The following CAST variants were observed in gnomAD, a reference collection of about 807,000 sequenced individuals.
The protein encoded by CAST is MIR583 host.
In CAST, 76 loss-of-function variants were observed where a neutral mutation model predicts 119.6. The ratio of observed to expected loss-of-function variants is 0.64; its 90% CI spans 0.53 to 0.77. The LOEUF (loss-of-function observed/expected upper bound fraction) is 0.77. Among genes scored for constraint, CAST ranks in the 30% least tolerant of loss-of-function variants. The probability of loss-of-function intolerance (pLI) is 0.00; values close to 1 mark genes in which losing one functional copy is unlikely to be tolerated. For missense variants in CAST, 953 were observed against 946.5 expected (o/e 1.01, Z -0.09); for synonymous variants, 319 against 331.6 (o/e 0.96, Z 0.41).
chr5:96,222,230 C>G, the CAST span, among the ~76,000 whole-genome samples: 5 of 151,990 alleles, frequency 3.3e-5, no homozygotes, highest in African/African-American at 1.2e-4. Context: ...ACCTCAAAAG[C>G]ACAGCCAACT....
intron 4 of CAST, among the ~76,000 whole-genome samples, chr5:96,724,262 C>T (rs1758841785): frequency 6.6e-6 from 1 of 152,000 alleles, no homozygotes; most frequent in African/African-American, 2.4e-5. Context: ...CTTGCTGCCA[C>T]CTTGACCTCC....
At chr5:96,261,052 T>C in the CAST span, among the ~76,000 whole-genome samples, 2 of 152,156 alleles carry the variant, frequency 1.3e-5, no homozygotes, top group Non-Finnish European at 2.9e-5. Flanking sequence ...ATCTTCTCTC[T>C]TTTTTTGGTC....
At chr5:96,332,774 C>T in the CAST span, among the ~76,000 whole-genome samples, 1 of 152,134 alleles carries the variant, frequency 6.6e-6, no homozygotes, top group African/African-American at 2.4e-5. Context: ...AAGGACCTGC[C>T]GAGCTGTCCC....
chr5:96,134,198 G>A, the CAST span, among the ~76,000 whole-genome samples: 6 of 152,208 alleles, frequency 3.9e-5, no homozygotes, highest in East Asian at 1.2e-3. Context: ...TGAATTTTTT[G>A]TTTACAGAAC....
At chr5:96,677,108 T>C (rs1406518875) in intron 2 of CAST, among the ~76,000 whole-genome samples, 1 of 152,138 alleles carries the variant, frequency 6.6e-6, no homozygotes, top group East Asian at 1.9e-4. Flanking sequence ...ACCCTACCCT[T>C]TAAATATATT....
the CAST span, among the ~76,000 whole-genome samples, chr5:96,192,299 C>T: frequency 6.6e-6 from 1 of 152,172 alleles, no homozygotes; most frequent in East Asian, 1.9e-4. Flanking sequence ...TTCTGCTTTT[C>T]CTCTGTCTAT....
chr5:96,729,994 G>T (rs1016359956), intron 8 of CAST, among the ~76,000 whole-genome samples: 10 of 151,234 alleles, frequency 6.6e-5, no homozygotes, highest in Non-Finnish European at 1.5e-4. Flanking sequence ...AGCTGTGACT[G>T]CAGGGCAGCA....
chr5:96,410,688 G>T, the CAST span: 1 of 1,076,652 alleles, frequency 9.3e-7, no homozygotes, highest in Non-Finnish European at 1.4e-6. Context: ...CGAATCAGTC[G>T]TACCAAAGGT....
At chr5:96,472,231 G>C in the CAST span, among the ~76,000 whole-genome samples, 1 of 152,176 alleles carries the variant, frequency 6.6e-6, no homozygotes, top group Non-Finnish European at 1.5e-5. Context: ...ACACACAATT[G>C]TGGAACTGCC....
chr5:96,633,132 C>T (rs183888759), intron 1 of CAST, among the ~76,000 whole-genome samples: 22 of 151,962 alleles, frequency 1.4e-4, no homozygotes, highest in East Asian at 9.7e-4. Context: ...CCACCATGCC[C>T]GGCTAATTTT....
intron 2 of CAST, among the ~76,000 whole-genome samples, chr5:96,687,153 T>A (rs1221121324): frequency 6.6e-6 from 1 of 152,150 alleles, no homozygotes; most frequent in Non-Finnish European, 1.5e-5. Context: ...GATTCTTGCT[T>A]AAGGCCAGCG....
chr5:96,086,063 G>C, the CAST span, among the ~76,000 whole-genome samples: 1 of 152,030 alleles, frequency 6.6e-6, no homozygotes, highest in Admixed American at 6.6e-5. Flanking sequence ...ATTTATATAT[G>C]ACCTATGTAC....
chr5:96,698,755 G>A (rs1484774766), intron 3 of CAST, among the ~76,000 whole-genome samples: 1 of 152,154 alleles, frequency 6.6e-6, no homozygotes, highest in Non-Finnish European at 1.5e-5. Context: ...CTGAAAAGGC[G>A]TGACAGAGTG....
upstream of CAST, chr5:96,662,251 A>T: frequency 1.3e-6 from 1 of 759,212 alleles, no homozygotes. Context: ...CATCGGGGCT[A>T]GGGGAACCCC....
At chr5:96,743,240 A>G (rs1332231541) in intron 16 of CAST, among the ~76,000 whole-genome samples, 1 of 152,254 alleles carries the variant, frequency 6.6e-6, no homozygotes, top group African/African-American at 2.4e-5. Context: ...ATATTTATAG[A>G]ATAATGCTGA....
chr5:96,565,059 A>C (rs2150185650), intron 1 of CAST, among the ~76,000 whole-genome samples: 1 of 135,130 alleles, frequency 7.4e-6, no homozygotes, highest in Admixed American at 8.0e-5. Context: ...AAATTAAAGT[A>C]TAAAAACACA....
At chr5:96,552,939 GTCC>G (rs1746163656) in intron 1 of CAST, among the ~76,000 whole-genome samples, 1 of 152,126 alleles carries the variant, frequency 6.6e-6, no homozygotes, top group Non-Finnish European at 1.5e-5. Flanking sequence ...ACAAAAAAAA[GTCC>G]AGGACCAGAC....
chr5:96,522,213 C>T (rs113452610), upstream of CAST, among the ~76,000 whole-genome samples: 4 of 152,128 alleles, frequency 2.6e-5, no homozygotes, highest in African/African-American at 9.7e-5. Context: ...ATTCTCAAAT[C>T]GGATTGGGTA....
intron 22 of CAST, among the ~76,000 whole-genome samples, chr5:96,756,543 C>T (rs1230985178): frequency 6.6e-6 from 1 of 152,128 alleles, no homozygotes; most frequent in Non-Finnish European, 1.5e-5. Context: ...ATCCAAAATG[C>T]CCCCGTGAGC....
Sources: allele counts gnomAD v4.1 joint callset (sites outside exome capture counted in the v4.1 genomes callset), GRCh38; gene constraint gnomAD v4.1.1; transcripts MANE v1.5; gene names NCBI Gene and HGNC (gene_info 2026-07-23, HGNC 2026-07-21).